The following EHBP1 variants were observed in gnomAD, a reference collection of about 807,000 sequenced individuals.
EHBP1 encodes the protein EH domain-binding protein 1.
EHBP1 carries 55 observed loss-of-function variants against 144.0 expected under a neutral mutation model. The observed-to-expected ratio is 0.38, with a 90% CI of 0.31 to 0.48. The LOEUF (loss-of-function observed/expected upper bound fraction) is 0.48. Ranked by LOEUF, EHBP1 falls within the 20% of genes least tolerant of loss-of-function variation. The pLI is 0.98. For synonymous variants in EHBP1, 469 were observed against 472.7 expected (o/e 0.99, Z 0.10); for missense variants, 1,200 against 1,364.2 (o/e 0.88, Z 1.90).
intron 10 of EHBP1, among the ~76,000 whole-genome samples, chr2:62,927,018 G>A (rs1486828783): frequency 3.9e-5 from 6 of 152,154 alleles, no homozygotes; most frequent in Non-Finnish European, 7.4e-5. Context: ...AGAAAAAAAA[G>A]AATGAAATCC....
intron 7 of EHBP1, among the ~76,000 whole-genome samples, chr2:62,845,078 A>G (rs1049646919): frequency 3.9e-5 from 6 of 152,050 alleles, no homozygotes; most frequent in Admixed American, 3.9e-4. Context: ...ATGCAACACA[A>G]GAGCAGATTA....
At chr2:62,836,522 C>T (rs1360751003) in intron 7 of EHBP1, among the ~76,000 whole-genome samples, 18 of 142,764 alleles carry the variant, frequency 1.3e-4, no homozygotes, top group Admixed American at 3.5e-4. Flanking sequence ...GAGAAGGCTT[C>T]AGACGATCAA....
At chr2:62,687,819 C>T (rs1332682837) in intron 1 of EHBP1, among the ~76,000 whole-genome samples, 3 of 152,104 alleles carry the variant, frequency 2.0e-5, no homozygotes, top group South Asian at 4.1e-4. Flanking sequence ...TTAGTGTGTC[C>T]TTATAAAGTA....
intron 19 of EHBP1, among the ~76,000 whole-genome samples, chr2:63,029,332 C>A (rs897673638): frequency 3.3e-5 from 5 of 151,916 alleles, no homozygotes; most frequent in Admixed American, 3.3e-4. Context: ...GGAACACTAA[C>A]TATAGACTTT....
chr2:62,993,031 G>A (rs1483046659), intron 16 of EHBP1, among the ~76,000 whole-genome samples: 2 of 152,130 alleles, frequency 1.3e-5, no homozygotes, highest in Non-Finnish European at 2.9e-5. Context: ...GGAAGCTCCG[G>A]AAAAGATAAT....
intron 9 of EHBP1, among the ~76,000 whole-genome samples, chr2:62,868,774 T>C (rs963416102): frequency 6.6e-6 from 1 of 151,716 alleles, no homozygotes; most frequent in African/African-American, 2.4e-5. Context: ...ATAACAAGAG[T>C]CTATCTCTTA....
At chr2:62,728,133 G>A (rs1379181781) in intron 2 of EHBP1, among the ~76,000 whole-genome samples, 1 of 152,182 alleles carries the variant, frequency 6.6e-6, no homozygotes, top group African/African-American at 2.4e-5. Context: ...TTCCTGAAGT[G>A]GGACACTCCA....
intron 5 of EHBP1, among the ~76,000 whole-genome samples, chr2:62,823,415 G>T (rs1442293224): frequency 6.6e-6 from 1 of 151,884 alleles, no homozygotes; most frequent in African/African-American, 2.4e-5. Flanking sequence ...ACCCACATGT[G>T]ATCTGAAGTA....
chr2:62,857,491 A>G (rs1003297142), intron 7 of EHBP1, among the ~76,000 whole-genome samples: 53 of 152,346 alleles, frequency 3.5e-4, no homozygotes, highest in South Asian at 1.2e-3. Context: ...TAGGTTTACA[A>G]TGTTAAAGAA....
intron 2 of EHBP1, among the ~76,000 whole-genome samples, chr2:62,728,492 A>C (rs959553182): frequency 5.3e-5 from 8 of 152,212 alleles, no homozygotes; most frequent in African/African-American, 1.9e-4. Flanking sequence ...CTAATTGCTG[A>C]ACCATGTTGA....
At chr2:62,877,978 C>A (rs1217377096) in intron 10 of EHBP1, among the ~76,000 whole-genome samples, 2 of 151,974 alleles carry the variant, frequency 1.3e-5, no homozygotes, top group Non-Finnish European at 2.9e-5. Flanking sequence ...AATCTTCAGC[C>A]AAAATCAGAG....
chr2:62,838,087 G>C (rs2047446032), intron 7 of EHBP1, among the ~76,000 whole-genome samples: 1 of 151,086 alleles, frequency 6.6e-6, no homozygotes. Flanking sequence ...CACATAGTTG[G>C]AAGTAAAGCT....
chr2:63,032,080 C>T (rs1258535192), intron 19 of EHBP1, among the ~76,000 whole-genome samples: 1 of 151,944 alleles, frequency 6.6e-6, no homozygotes, highest in African/African-American at 2.4e-5. Context: ...AAATCCAGTG[C>T]TGACCTTCAG....
intron 5 of EHBP1, among the ~76,000 whole-genome samples, chr2:62,825,480 A>G (rs183739039): frequency 3.3e-5 from 5 of 152,148 alleles, no homozygotes; most frequent in Non-Finnish European, 7.4e-5. Context: ...AGGATCAGAA[A>G]GCCAACTGTT....
chr2:62,882,265 T>TC (rs1398422409), intron 10 of EHBP1, among the ~76,000 whole-genome samples: 2 of 152,160 alleles, frequency 1.3e-5, no homozygotes, highest in Non-Finnish European at 2.9e-5. Flanking sequence ...CGTGTTTTTT[T>TC]CCCCCAATGA....
chr2:62,809,310 A>C (rs1038482434), intron 5 of EHBP1, among the ~76,000 whole-genome samples: 3 of 150,806 alleles, frequency 2.0e-5, no homozygotes, highest in African/African-American at 4.9e-5. Context: ...AAAAAAAAAA[A>C]AAAAACAAGA....
intron 5 of EHBP1, among the ~76,000 whole-genome samples, chr2:62,818,906 G>A (rs572639040): frequency 6.6e-6 from 1 of 152,286 alleles, no homozygotes; most frequent in Non-Finnish European, 1.5e-5. Context: ...TTGTACTTTA[G>A]TAAATTTGAA....
At chr2:62,986,150 G>A (rs1171721276) in intron 15 of EHBP1, among the ~76,000 whole-genome samples, 2 of 152,142 alleles carry the variant, frequency 1.3e-5, no homozygotes, top group Non-Finnish European at 2.9e-5. Context: ...TAATGCTGAG[G>A]AAGTATTCTG....
chr2:62,891,720 T>C (rs2052474753), intron 10 of EHBP1, among the ~76,000 whole-genome samples: 1 of 152,114 alleles, frequency 6.6e-6, no homozygotes, highest in African/African-American at 2.4e-5. Context: ...TCATTAAAGG[T>C]GTGTTAGCAT....
Sources: gnomAD v4.1 joint callset for allele counts (sites outside exome capture counted in the v4.1 genomes callset) on GRCh38, gnomAD v4.1.1 for gene constraint, MANE v1.5 for transcripts, NCBI Gene and HGNC (gene_info 2026-07-23, HGNC 2026-07-21) for gene names.